The following CACNA1G variants were observed in gnomAD, a reference collection of about 807,000 sequenced individuals.
CACNA1G encodes calcium voltage-gated channel subunit alpha1 G.
CACNA1G carries 67 observed loss-of-function variants against 219.4 expected under a neutral mutation model. The ratio of observed to expected loss-of-function variants is 0.31; its 90% CI spans 0.25 to 0.37. The LOEUF is 0.37. Ranked by LOEUF, CACNA1G falls within the 10% of genes least tolerant of loss-of-function variation. The probability of loss-of-function intolerance (pLI) is 1.00; values close to 1 mark genes in which losing one functional copy is unlikely to be tolerated. For synonymous variants in CACNA1G, 1,296 were observed against 1,345.3 expected (o/e 0.96, Z 0.80); for missense variants, 2,380 against 3,231.4 (o/e 0.74, Z 6.39).
chr17:50,600,863 C>T lies in CACNA1G; in HGVS notation c.3791+37C>T. 6.3e-7 allele frequency: 1 copy of T among 1,588,932 alleles called. No individual in the cohort carries two copies. The highest frequency in any genetic ancestry group is 8.6e-7 in the Non-Finnish European group (1 of 1,157,542). The stretch of plus-strand genomic sequence containing the variant: ...GGCAGGGGTCTGACCTGTGTCCCGA[C>T]CTCTTCTTCTCACGGGAAATTACCG... On this transcript the variant is annotated intron_variant, in intron 18 of 37. Coordinates refer to ENST00000359106, the MANE Select transcript of CACNA1G (RefSeq NM_018896.5). This position sits in a 1 kb window ranked among gnomAD's most constrained non-coding sequence, Gnocchi z 4.1.
chr17:50,572,988 C>T (rs1343342900), intron 6 of CACNA1G, 33 bp from the exon 7 acceptor site: 4 of 1,562,702 alleles, frequency 2.6e-6, no homozygotes, highest in Non-Finnish European at 3.5e-6. Context: ...ATTTGGTGGG[C>T]CCATAGTCAG....
At chr17:50,620,755 A>T (rs1480016502) in intron 34 of CACNA1G, among the ~76,000 whole-genome samples, 2 of 152,178 alleles carry the variant, frequency 1.3e-5, no homozygotes, top group Non-Finnish European at 2.9e-5. Flanking sequence ...GTGGGAAGGG[A>T]CCTTGCCTCT....
chr17:50,569,555 CAG>C, intron 3 of CACNA1G, 149 bp from the exon 4 acceptor site: 1 of 677,756 alleles, frequency 1.5e-6, no homozygotes, highest in Middle Eastern at 2.6e-4. Flanking sequence ...GCCCCCCAGA[CAG>C]AGAGCCGGAT....
At chr17:50,614,858 A>G (rs1172601248) in intron 26 of CACNA1G, among the ~76,000 whole-genome samples, 1 of 152,208 alleles carries the variant, frequency 6.6e-6, no homozygotes, top group Non-Finnish European at 1.5e-5. Flanking sequence ...GAAGATGTCC[A>G]ATTTCCAATC....
Position 50,611,339 on chromosome 17 carries a change from C to G in CACNA1G, c.4759+1404C>G, listed in dbSNP as rs537345124. On this transcript the variant is annotated intron_variant, in intron 26 of 37. Coordinates refer to ENST00000359106, the MANE Select transcript of CACNA1G (RefSeq NM_018896.5). Reference sequence around the variant, plus strand: ...CAGGCTTGGAACTTCAGTCTGGGAACCACCGGCTCCACTTTCCCCACTCCT... The same window carrying G: ...CAGGCTTGGAACTTCAGTCTGGGAAGCACCGGCTCCACTTTCCCCACTCCT... Among the ~76,000 whole-genome samples the G allele has an allele frequency of 2.4e-3, 362 of 151,872 alleles. 3 individuals carry two copies. Among genetic ancestry groups the G allele is most frequent in the African/African-American group, 8.6e-3 (355 of 41,394 alleles).
At chr17:50,610,152 G>T (rs1421082859) in intron 26 of CACNA1G, among the ~76,000 whole-genome samples, 2 of 152,200 alleles carry the variant, frequency 1.3e-5, no homozygotes, top group Non-Finnish European at 2.9e-5. Flanking sequence ...ACGCCCTTTG[G>T]AGAGCCCACC....
chr17:50,589,313 G>C (rs1354731387), intron 9 of CACNA1G, among the ~76,000 whole-genome samples: 1 of 151,992 alleles, frequency 6.6e-6, no homozygotes, highest in East Asian at 1.9e-4. Flanking sequence ...TTCAAGTGCT[G>C]CCTCTCTCCC....
At chr17:50,604,431 T>C in intron 22 of CACNA1G, 150 bp downstream of exon 22, 2 of 1,037,582 alleles carry the variant, frequency 1.9e-6, no homozygotes, top group Non-Finnish European at 2.8e-6. Context: ...CTAGGCCCTT[T>C]TACCTCCTGG....
At chr17:50,574,049 T>A (rs1177596525) in intron 7 of CACNA1G, among the ~76,000 whole-genome samples, 3 of 152,200 alleles carry the variant, frequency 2.0e-5, no homozygotes, top group African/African-American at 7.2e-5. Context: ...TGCTGTAACA[T>A]CTGCTGCCTG....
In CACNA1G at chr17:50,578,705, TG is replaced by T. The variant is rs751448685; in HGVS notation, c.2301+144del. ...CCCACCTGGCAGGTAGGAGGGGAGG[TG>T]GGTGATGGAGCAATGCATGGGGATT... On this transcript the variant is annotated intron_variant, in intron 9 of 37. Transcript: ENST00000359106. This position sits in a 1 kb window ranked among gnomAD's most constrained non-coding sequence, Gnocchi z 4.5. 3 of 819,512 alleles carry T rather than the reference TG, an allele frequency of 3.7e-6. No individual in the cohort carries two copies. Among genetic ancestry groups the T allele is most frequent in the Non-Finnish European group, 1.8e-6 (1 of 543,686 alleles). 50.8% of individuals were successfully genotyped at this position (819,512 alleles called of 1,614,324 possible).
At chr17:50,610,751 C>A (rs2049025490) in intron 26 of CACNA1G, among the ~76,000 whole-genome samples, 1 of 152,208 alleles carries the variant, frequency 6.6e-6, no homozygotes, top group African/African-American at 2.4e-5. Flanking sequence ...CTTTAGAAGG[C>A]TGTCTATGAA....
rs1433050897 is a variant in CACNA1G, at chr17:50,600,824, C to T, written c.3789C>T (p.Ser1263=). 3 of 1,613,156 alleles carry T rather than the reference C, an allele frequency of 1.9e-6. No homozygotes were observed. The highest frequency in any genetic ancestry group is 1.7e-6 in the Non-Finnish European group (2 of 1,179,346). Residue 1263 remains serine, a splice_region_variant and synonymous_variant, in exon 18 of 38, where the codon TCC becomes TCT. Transcript: ENST00000359106. This position sits in a 1 kb window ranked among gnomAD's most constrained non-coding sequence, Gnocchi z 4.1. ...SWSAYIFPPQ[S]RFRLLCHRII... ...CAGCCTACATCTTCCCTCCTCAGTC[C>T]AGGTAAGTGACAGGGCAGGGGTCTG...
chr17:50,603,513 A>G lies in CACNA1G; in HGVS notation c.4169+314A>G, dbSNP rs896966770. The stretch of plus-strand genomic sequence containing the variant: ...AAGGGGCCACGAGCAGGACTCTCAC[A>G]GTCTTCAGCTGCGGCTCTCCCTTGT... On this transcript the variant is annotated intron_variant, in intron 21 of 37. Coordinates refer to ENST00000359106, the MANE Select transcript of CACNA1G (RefSeq NM_018896.5). This position sits in a 1 kb window ranked among gnomAD's most constrained non-coding sequence, Gnocchi z 6.4. 6.6e-6 allele frequency among the ~76,000 whole-genome samples: 1 copy of G among 152,098 alleles called. No individual in the cohort carries two copies. Among genetic ancestry groups the G allele is most frequent in the African/African-American group, 2.4e-5 (1 of 41,404 alleles).
In CACNA1G at chr17:50,578,484, G is replaced by A. The variant is rs777599658; in HGVS notation, c.2221G>A (p.Asp741Asn). The A allele has an allele frequency of 6.3e-7, 1 of 1,593,780 alleles. No individual in the cohort carries two copies. Among genetic ancestry groups the A allele is most frequent in the South Asian group, 1.1e-5 (1 of 89,536 alleles). Residue 741 changes from aspartate (D) to asparagine (N), a missense_variant, in exon 9 of 38, where the codon GAC (aspartate) becomes AAC (asparagine). Physicochemically the swap from Asp to Asn is conservative, Grantham distance 23. This residue lies in a region of CACNA1G where 434 missense variants were observed against 417.3 expected (regional missense o/e 1.04). Transcript: ENST00000359106. The surrounding 1 kb of genome is among the most constrained non-coding windows in gnomAD (Gnocchi z 4.5). ...CTGTGACACCTTCCGAAAGATTGTG[G>A]ACAGCAAGTACTTTGGCCGGGGAAT... ...LICDTFRKIV[D>N]SKYFGRGIMI...
rs978225634 is a variant in CACNA1G, at chr17:50,581,938, T to G, written c.2301+3374T>G. 5.9e-5 allele frequency among the ~76,000 whole-genome samples: 9 copies of G among 152,272 alleles called. No homozygotes were observed. The East Asian group carries it at 1.5e-3, about 26-fold the overall frequency. Reference sequence around the variant, plus strand: ...CTTCTAAAATAATAAAGTCCTGATCTGTAGCATTTGCCAATTTCCATGGTG... The same window carrying G: ...CTTCTAAAATAATAAAGTCCTGATCGGTAGCATTTGCCAATTTCCATGGTG... On this transcript the variant is annotated intron_variant, in intron 9 of 37. Coordinates refer to ENST00000359106, the MANE Select transcript of CACNA1G (RefSeq NM_018896.5).
Position 50,569,695 on chromosome 17 carries a change from C to T in CACNA1G, c.489-11C>T. Reference sequence around the variant, plus strand: ...GACTCAAAGGGCCTCCCTTTGGGCCCCTCCCTGCAGGATGCTGGAGTACTC... The same window carrying T: ...GACTCAAAGGGCCTCCCTTTGGGCCTCTCCCTGCAGGATGCTGGAGTACTC... On this transcript the variant is annotated splice_polypyrimidine_tract_variant and intron_variant, in intron 3 of 37. Transcript: ENST00000359106. The T allele has an allele frequency of 1.3e-6, 2 of 1,545,648 alleles. No individual in the cohort carries two copies. Among genetic ancestry groups the T allele is most frequent in the Non-Finnish European group, 1.7e-6 (2 of 1,143,410 alleles).
chr17:50,568,477 T>A (rs573897909), intron 1 of CACNA1G, among the ~76,000 whole-genome samples: 1 of 152,356 alleles, frequency 6.6e-6, no homozygotes, highest in South Asian at 2.1e-4. Flanking sequence ...CACATTCACA[T>A]ACAGTATCTC....
rs1468373078 is a variant in CACNA1G at position 50,599,825 on chromosome 17, T to C, written c.3656T>C (p.Leu1219Pro). The C allele has an allele frequency of 1.9e-6, 3 of 1,610,602 alleles. No individual in the cohort carries two copies. The highest frequency in any genetic ancestry group is 1.3e-5 in the African/African-American group (1 of 74,924). ...GCCCTGCGGCCTGATGACCCCCCAC[T>C]GGATGGGGATGACGCCGATGACGAG... ...ARALRPDDPPLDGDDADDEGN... is the reference protein window; with the variant it reads ...ARALRPDDPPPDGDDADDEGN... The change falls in exon 17 of 38, where the codon CTG becomes CCG. Residue 1219 changes from leucine to proline, a missense_variant. This residue lies in a region of CACNA1G where 418 missense variants were observed against 434.3 expected (regional missense o/e 0.96). Transcript: ENST00000359106.
intron 16 of CACNA1G, 92 bp downstream of exon 16, chr17:50,597,015 A>C: frequency 8.2e-7 from 1 of 1,215,960 alleles, no homozygotes; most frequent in Non-Finnish European, 1.1e-6. Context: ...CCAAGGGCAC[A>C]GCCCCTGCCC....
Sources: allele counts gnomAD v4.1 joint callset (sites outside exome capture counted in the v4.1 genomes callset), GRCh38; gene constraint gnomAD v4.1.1; regional missense constraint gnomAD v4.1.1; non-coding constraint Gnocchi (gnomAD v3.1); transcripts MANE v1.5; gene names NCBI Gene and HGNC (gene_info 2026-07-23, HGNC 2026-07-21).